BTBD2: variants seen among roughly 807,000 people sequenced by gnomAD.
The protein encoded by BTBD2 is BTB domain containing 2.
In BTBD2, 15 loss-of-function variants were observed where a neutral mutation model predicts 44.0. The observed-to-expected ratio is 0.34, with a 90% CI of 0.23 to 0.53. BTBD2 has a LOEUF of 0.53. Ranked by LOEUF, BTBD2 falls within the 20% of genes least tolerant of loss-of-function variation. The probability of loss-of-function intolerance (pLI) is 0.95; values close to 1 mark genes in which losing one functional copy is unlikely to be tolerated. For synonymous variants in BTBD2, 443 were observed against 335.9 expected (o/e 1.32, Z -3.49); for missense variants, 657 against 746.4 (o/e 0.88, Z 1.39).
Position 1,986,983 on chromosome 19 carries a change from G to C in BTBD2, c.1270-7C>G. Reference sequence around the variant, plus strand: ...TGCTATCGGTGTGAATAATCTGCGGGGAGGTGGGAAGTGGGAGGCTCAGGC... The same window carrying C: ...TGCTATCGGTGTGAATAATCTGCGGCGAGGTGGGAAGTGGGAGGCTCAGGC... On this transcript the variant is annotated splice_region_variant and splice_polypyrimidine_tract_variant and intron_variant, in intron 7 of 8. Transcript: ENST00000255608. 6.2e-7 allele frequency: 1 copy of C among 1,610,230 alleles called. No individual in the cohort carries two copies. The highest frequency in any genetic ancestry group is 8.5e-7 in the Non-Finnish European group (1 of 1,177,836).
chr19:1,999,595 G>T (rs1034854239), intron 1 of BTBD2, among the ~76,000 whole-genome samples: 1 of 152,074 alleles, frequency 6.6e-6, no homozygotes, highest in African/African-American at 2.4e-5. Context: ...AAGCCCAGGA[G>T]GTCAAGGCTT....
intron 1 of BTBD2, among the ~76,000 whole-genome samples, chr19:2,004,383 T>C (rs1231222343): frequency 1.3e-5 from 2 of 149,736 alleles, no homozygotes; most frequent in Non-Finnish European, 3.0e-5. Flanking sequence ...TCACAAAATC[T>C]GCCTCCCGGG....
At chr19:2,009,332 G>T (rs1221911460) in intron 1 of BTBD2, among the ~76,000 whole-genome samples, 1 of 151,998 alleles carries the variant, frequency 6.6e-6, no homozygotes, top group East Asian at 1.9e-4. Context: ...CCAAGTAGCT[G>T]GGATTACAGG....
At chr19:2,012,869 C>A (rs530610067) in intron 1 of BTBD2, among the ~76,000 whole-genome samples, 110 of 152,312 alleles carry the variant, frequency 7.2e-4, no homozygotes, top group African/African-American at 2.6e-3. Flanking sequence ...CCACCTCCCC[C>A]CTCAAACAGA....
At chr19:1,987,887 C>T (rs1361751084) in intron 5 of BTBD2, 195 bp from the exon 6 acceptor site, 4 of 599,158 alleles carry the variant, frequency 6.7e-6, no homozygotes, top group African/African-American at 1.9e-5. Context: ...GGTCCCAGGG[C>T]ACAGACCAGA....
chr19:1,987,895 A>T, intron 5 of BTBD2: 1 of 582,002 alleles, frequency 1.7e-6, no homozygotes, highest in East Asian at 2.9e-5. Flanking sequence ...GGCACAGACC[A>T]GAGGCCGACA....
At chr19:1,999,106 A>C (rs2145635380) in intron 1 of BTBD2, among the ~76,000 whole-genome samples, 1 of 151,954 alleles carries the variant, frequency 6.6e-6, no homozygotes, top group South Asian at 2.1e-4. Context: ...TTCCGAGGAG[A>C]AGCTCCTCGC....
Position 1,985,806 on chromosome 19 carries a change from C to CT in BTBD2, c.*681dup, listed in dbSNP as rs146207879. ...TCCAGGGAGGCTGGACAGCGGGGGC[C>CT]TTTATCTGGGCCCATCAGGTGGATG... On this transcript the variant is annotated 3_prime_UTR_variant, in exon 9 of 9. Coordinates refer to ENST00000255608, the MANE Select transcript of BTBD2 (RefSeq NM_017797.4). The CT allele has an allele frequency of 0.015, 2,222 of 152,586 alleles. 19 individuals are homozygous for CT. Among genetic ancestry groups the CT allele is most frequent in the Admixed American group, 0.026 (400 of 15,318 alleles). The allele number at this position is 152,586 out of a possible 1,614,324, so 9.5% of individuals were successfully genotyped here.
At chr19:1,998,619 G>C (rs1192690773) in intron 1 of BTBD2, among the ~76,000 whole-genome samples, 2 of 152,168 alleles carry the variant, frequency 1.3e-5, no homozygotes, top group Non-Finnish European at 2.9e-5. Context: ...CCCAAGAGCC[G>C]GCTATGAACC....
At chr19:2,001,000 G>A (rs1387126837) in intron 1 of BTBD2, among the ~76,000 whole-genome samples, 1 of 152,206 alleles carries the variant, frequency 6.6e-6, no homozygotes, top group African/African-American at 2.4e-5. Flanking sequence ...AGAAAGGATG[G>A]GGGACGGGCA....
chr19:2,015,637 C>A lies in BTBD2; in HGVS notation c.67G>T (p.Gly23Trp). 2 of 987,160 alleles carry A rather than the reference C, an allele frequency of 2.0e-6. No individual in the cohort carries two copies. The highest frequency in any genetic ancestry group is 2.4e-6 in the Non-Finnish European group (2 of 834,316). 61.2% of individuals were successfully genotyped at this position (987,160 alleles called of 1,614,324 possible). The change falls in exon 1 of 9, where the codon GGG becomes TGG. Residue 23 changes from glycine (G) to tryptophan (W), a missense_variant. Coordinates refer to ENST00000255608, the MANE Select transcript of BTBD2 (RefSeq NM_017797.4). ...TTGGCGCTGGGCCCGGGACTGCCCC[C>A]CGTGCCCGGGCCGACCCCGACCCCC... ...PPGVGVGPGT[G>W]GSPGPSANAA...
At chr19:2,010,446 C>T (rs1424321102) in intron 1 of BTBD2, among the ~76,000 whole-genome samples, 1 of 152,150 alleles carries the variant, frequency 6.6e-6, no homozygotes, top group East Asian at 1.9e-4. Flanking sequence ...ACGGTCCAGA[C>T]ACTGGGGCCA....
chr19:1,993,103 C>T lies in BTBD2; in HGVS notation c.601G>A (p.Ala201Thr). The T allele has an allele frequency of 6.2e-7, 1 of 1,609,218 alleles. No individual in the cohort carries two copies. The highest frequency in any genetic ancestry group is 1.1e-5 in the South Asian group (1 of 90,934). Residue 201 changes from alanine (A) to threonine (T), a missense_variant, in exon 3 of 9, where the codon GCG (alanine) becomes ACG (threonine). Transcript: ENST00000255608. ...MTTLYTAKKYAVPALEAHCVE... is the reference protein window; with the variant it reads ...MTTLYTAKKYTVPALEAHCVE... Reference sequence around the variant, plus strand: ...CAATGGGCCTCGAGCGCTGGCACCGCGTACTTCTTGGCGGTGTATAGCGTG... The same window carrying T: ...CAATGGGCCTCGAGCGCTGGCACCGTGTACTTCTTGGCGGTGTATAGCGTG...
Position 1,999,949 on chromosome 19 carries a change from A to T in BTBD2, c.408-2486T>A, listed in dbSNP as rs367760655. Among the ~76,000 whole-genome samples, 401 of 148,704 alleles carry T rather than the reference A, an allele frequency of 2.7e-3. 4 individuals are homozygous for T. Among genetic ancestry groups the T allele is most frequent in the African/African-American group, 9.5e-3 (381 of 39,936 alleles). On this transcript the variant is annotated intron_variant, in intron 1 of 8. Transcript: ENST00000255608. ...TGCACTCCTGCTTGGGTGACAGAGC[A>T]AGACTAAAGACTCCACCTCAAAAAA...
intron 1 of BTBD2, among the ~76,000 whole-genome samples, chr19:1,997,796 TCA>T (rs1306382330): frequency 6.6e-6 from 1 of 152,262 alleles, no homozygotes; most frequent in Non-Finnish European, 1.5e-5. Flanking sequence ...ATGCATTTAT[TCA>T]CACGTGTTCA....
rs34228593 is a variant in BTBD2, at chr19:2,008,589, C to CTTTTTTTTTTTT, written c.407+6696_407+6707dup. Among the ~76,000 whole-genome samples the CTTTTTTTTTTTT allele has an allele frequency of 3.6e-4, 45 of 126,574 alleles. 1 individual carries two copies. Among genetic ancestry groups the CTTTTTTTTTTTT allele is most frequent in the African/African-American group, 1.3e-3 (42 of 32,054 alleles). The allele number at this position is 126,574 out of a possible 152,430, so 83.0% of individuals were successfully genotyped here. ...TACAGGCGTGAGCCACTGTGCCCAGCTTTTTTTTTTTTTTTTTTTAGGGAC... is the reference window on the plus strand; with the variant it reads ...TACAGGCGTGAGCCACTGTGCCCAGCTTTTTTTTTTTTTTTTTTTTTTTTTTTTTTTAGGGAC... On this transcript the variant is annotated intron_variant, in intron 1 of 8. Coordinates refer to ENST00000255608, the MANE Select transcript of BTBD2 (RefSeq NM_017797.4).
intron 1 of BTBD2, chr19:2,013,490 G>A (rs2016493584): frequency 1.0e-6 from 1 of 985,630 alleles, no homozygotes; most frequent in South Asian, 4.7e-5. Flanking sequence ...GTGGTGGCCT[G>A]GTGGCAGGGG....
intron 1 of BTBD2, 114 bp from the exon 2 acceptor site, chr19:1,997,577 G>A (rs2016268258): frequency 3.4e-6 from 5 of 1,483,798 alleles, no homozygotes; most frequent in East Asian, 2.3e-5. Context: ...CCAGCCTCCA[G>A]CAGGCATGTA....
chr19:1,988,916 A>G (rs1599347301), intron 5 of BTBD2, among the ~76,000 whole-genome samples: 2 of 151,200 alleles, frequency 1.3e-5, no homozygotes, highest in South Asian at 2.1e-4. Context: ...ACAATTGTAT[A>G]TATTTTTTTA....
Sources: gnomAD v4.1 joint callset for allele counts (sites outside exome capture counted in the v4.1 genomes callset) on GRCh38, gnomAD v4.1.1 for gene constraint, MANE v1.5 for transcripts, NCBI Gene and HGNC (gene_info 2026-07-23, HGNC 2026-07-21) for gene names.